Variants in NEK1 observed in about 807,000 individuals in gnomAD.
NEK1 encodes the protein serine/threonine-protein kinase Nek1.
NEK1 carries 137 observed loss-of-function variants against 182.1 expected under a neutral mutation model. That is an observed-to-expected ratio of 0.75 (90% CI 0.65 to 0.87). NEK1 has a LOEUF of 0.87. NEK1 is among the 40% of genes least tolerant of loss of function. The pLI is 0.00. For synonymous variants in NEK1, 513 were observed against 492.2 expected (o/e 1.04, Z -0.56); for missense variants, 1,391 against 1,494.4 (o/e 0.93, Z 1.14).
intron 19 of NEK1, among the ~76,000 whole-genome samples, chr4:169,536,690 T>A (rs1006163059): frequency 3.3e-5 from 5 of 150,880 alleles, no homozygotes; most frequent in Non-Finnish European, 5.9e-5. Context: ...GGGGGAATAG[T>A]AAGACATAAG....
At chr4:169,574,225 T>A (rs895277131) in intron 12 of NEK1, among the ~76,000 whole-genome samples, 3 of 152,186 alleles carry the variant, frequency 2.0e-5, no homozygotes, top group Admixed American at 2.0e-4. Flanking sequence ...AAGTATCATC[T>A]TTTTTTATAC....
At chr4:169,600,143 A>G (rs1437051333) in intron 4 of NEK1, among the ~76,000 whole-genome samples, 1 of 152,176 alleles carries the variant, frequency 6.6e-6, no homozygotes, top group African/African-American at 2.4e-5. Flanking sequence ...CACAACTCAA[A>G]GAACAGTTTT....
intron 27 of NEK1, among the ~76,000 whole-genome samples, chr4:169,461,383 A>T (rs992103990): frequency 6.6e-6 from 1 of 152,106 alleles, no homozygotes; most frequent in Non-Finnish European, 1.5e-5. Context: ...CATTAATAAA[A>T]CCGTATGGTA....
At chr4:169,498,452 G>C (rs2149653288) in intron 23 of NEK1, among the ~76,000 whole-genome samples, 1 of 152,280 alleles carries the variant, frequency 6.6e-6, no homozygotes, top group South Asian at 2.1e-4. Context: ...TCATTATGAT[G>C]TTAGCTGGTT....
chr4:169,594,897 T>C (rs1281259012), intron 5 of NEK1, among the ~76,000 whole-genome samples: 1 of 152,210 alleles, frequency 6.6e-6, no homozygotes, highest in African/African-American at 2.4e-5. Context: ...AAGAAAAACA[T>C]TCATCAAGCC....
chr4:169,602,187 CAT>C, intron 3 of NEK1, 83 bp from the exon 4 acceptor site: 1 of 928,562 alleles, frequency 1.1e-6, no homozygotes, highest in South Asian at 1.3e-5. Flanking sequence ...GTGGTTAAAA[CAT>C]AATAGTATTA....
intron 27 of NEK1, among the ~76,000 whole-genome samples, chr4:169,455,155 C>CA (rs1372996308): frequency 2.6e-4 from 39 of 152,220 alleles, no homozygotes; most frequent in Non-Finnish European, 3.4e-4. Flanking sequence ...GGGCAGGGAA[C>CA]ATCACACACT....
chr4:169,441,536 C>G (rs923544871), intron 27 of NEK1, among the ~76,000 whole-genome samples: 3 of 152,192 alleles, frequency 2.0e-5, no homozygotes, highest in Admixed American at 2.0e-4. Context: ...AGTGTGCAGT[C>G]TGGGGTCCTG....
intron 13 of NEK1, 42 bp downstream of exon 13, chr4:169,562,095 T>C (rs1763014025): frequency 1.4e-6 from 2 of 1,411,788 alleles, no homozygotes; most frequent in Non-Finnish European, 9.6e-7. Context: ...TTTAAAATTA[T>C]GTTTGCAAAG....
chr4:169,400,679 T>C (rs190832423), intron 33 of NEK1, 28 bp from the exon 34 acceptor site: 10 of 1,518,936 alleles, frequency 6.6e-6, no homozygotes, highest in Non-Finnish European at 8.9e-6. Context: ...AATAGAGATT[T>C]GATTTAAAAA....
chr4:169,431,683 C>A (rs1737469499), intron 29 of NEK1, among the ~76,000 whole-genome samples: 1 of 151,788 alleles, frequency 6.6e-6, no homozygotes, highest in African/African-American at 2.4e-5. Flanking sequence ...AATCCCAGCT[C>A]TTTGGGAGGC....
intron 23 of NEK1, among the ~76,000 whole-genome samples, chr4:169,498,778 T>C (rs1212344173): frequency 6.6e-6 from 1 of 152,238 alleles, no homozygotes; most frequent in African/African-American, 2.4e-5. Context: ...AGATCAGCTG[T>C]TAGTCTGATG....
intron 31 of NEK1, among the ~76,000 whole-genome samples, chr4:169,408,277 GA>G: frequency 6.6e-6 from 1 of 152,006 alleles, no homozygotes; most frequent in Non-Finnish European, 1.5e-5. Flanking sequence ...CATGTAATTT[GA>G]CAACTTACCT....
chr4:169,606,985 G>C (rs574182290), intron 2 of NEK1, among the ~76,000 whole-genome samples: 42 of 152,326 alleles, frequency 2.8e-4, no homozygotes, highest in African/African-American at 1.0e-3. Context: ...TTGCTGAGGA[G>C]AGAAAGCGGT....
intron 18 of NEK1, among the ~76,000 whole-genome samples, chr4:169,549,572 G>A (rs7665601): frequency 0.011 from 1,712 of 151,236 alleles, 33 homozygotes; most frequent in African/African-American, 0.038. Context: ...ACAGGCATGC[G>A]CCACCATGCC....
intron 5 of NEK1, among the ~76,000 whole-genome samples, chr4:169,591,783 T>C (rs1409232674): frequency 2.0e-5 from 3 of 152,116 alleles, no homozygotes; most frequent in African/African-American, 7.2e-5. Flanking sequence ...CGAAAAAGAC[T>C]GATAAAGTTG....
intron 11 of NEK1, among the ~76,000 whole-genome samples, chr4:169,578,727 T>C (rs1050441071): frequency 6.6e-6 from 1 of 152,204 alleles, no homozygotes; most frequent in African/African-American, 2.4e-5. Context: ...GCATATAATT[T>C]AGTAAACTGT....
intron 23 of NEK1, among the ~76,000 whole-genome samples, chr4:169,502,772 T>A (rs1752616428): frequency 6.6e-6 from 1 of 152,124 alleles, no homozygotes; most frequent in Non-Finnish European, 1.5e-5. Context: ...ACAGCCAACA[T>A]CATGCTGAAT....
chr4:169,543,468 G>T (rs1176043827), intron 18 of NEK1, among the ~76,000 whole-genome samples: 1 of 152,092 alleles, frequency 6.6e-6, no homozygotes, highest in East Asian at 1.9e-4. Context: ...TGGCTATGTG[G>T]GCTCTTTTTT....
Sources: allele counts gnomAD v4.1 joint callset (sites outside exome capture counted in the v4.1 genomes callset), GRCh38; gene constraint gnomAD v4.1.1; transcripts MANE v1.5; gene names NCBI Gene and HGNC (gene_info 2026-07-23, HGNC 2026-07-21).